The following LRP4 variants were observed in gnomAD, a reference collection of about 807,000 sequenced individuals.
LRP4 encodes the protein low-density lipoprotein receptor-related protein 4.
In LRP4, 95 loss-of-function variants were observed where a neutral mutation model predicts 220.3. That is an observed-to-expected ratio of 0.43 (90% CI 0.37 to 0.51). The LOEUF (loss-of-function observed/expected upper bound fraction) is 0.51, where lower values mean the gene tolerates loss of function less well. LRP4 is among the 20% of genes least tolerant of loss of function. LRP4 has a pLI of 0.00. For synonymous variants in LRP4, 903 were observed against 954.6 expected (o/e 0.95, Z 1.00); for missense variants, 1,925 against 2,567.0 (o/e 0.75, Z 5.40).
rs1941693630 is a variant in LRP4, at chr11:46,902,874, C to G, written c.108G>C (p.Val36=). The part of the protein sequence containing the change: ...ACGRSHFTCA[V]SALGECTCIP... ...TGCAGGTACACTCTCCAAGAGCACT[C>G]ACTGCACATGTGAAGTGGCTCCGAC... is the stretch of plus-strand genomic sequence containing the variant. Residue 36 remains valine, a synonymous_variant, in exon 2 of 38, where the codon GTG becomes GTC. Coordinates refer to ENST00000378623, the MANE Select transcript of LRP4 (RefSeq NM_002334.4). 1.2e-6 allele frequency: 2 copies of G among 1,614,162 alleles called. No homozygotes were observed. The highest frequency in any genetic ancestry group is 1.7e-6 in the Non-Finnish European group (2 of 1,180,044).
chr11:46,904,243 G>A (rs1036813748), intron 1 of LRP4, among the ~76,000 whole-genome samples: 9 of 152,110 alleles, frequency 5.9e-5, no homozygotes, highest in Admixed American at 5.9e-4. Flanking sequence ...GCTCGAAATT[G>A]TCACCCCTCT....
At chr11:46,883,439 C>T (rs1238786569) in intron 19 of LRP4, among the ~76,000 whole-genome samples, 3 of 152,246 alleles carry the variant, frequency 2.0e-5, no homozygotes, top group Non-Finnish European at 4.4e-5. Flanking sequence ...GCTATCTGTG[C>T]CTTAGGACAT....
intron 31 of LRP4, 46 bp downstream of exon 31, chr11:46,871,479 A>G: frequency 1.5e-6 from 2 of 1,314,648 alleles, no homozygotes; most frequent in South Asian, 2.5e-5. Context: ...CCCCAAAGAA[A>G]CATCCCAGTC....
rs1940918877 is a variant in LRP4 at position 46,873,305 on chromosome 11, G to T, written c.4448+70C>A. On this transcript the variant is annotated intron_variant, in intron 29 of 37. Transcript: ENST00000378623. The surrounding 1 kb of genome is among the most constrained non-coding windows in gnomAD (Gnocchi z 4.2). ...ACCCAGAGGTTGAGAGAACACAGAG[G>T]ACCCACTAACACCATCTTTCCACCC... 2 of 1,611,704 alleles carry T rather than the reference G, an allele frequency of 1.2e-6. No individual in the cohort carries two copies. Among genetic ancestry groups the T allele is most frequent in the Non-Finnish European group, 1.7e-6 (2 of 1,178,426 alleles).
chr11:46,872,234 C>G (rs563980243), intron 30 of LRP4, among the ~76,000 whole-genome samples: 50 of 152,292 alleles, frequency 3.3e-4, no homozygotes, highest in African/African-American at 1.2e-3. Context: ...CCAGCCTGGG[C>G]AAAAGAGTTA....
intron 22 of LRP4, among the ~76,000 whole-genome samples, 180 bp downstream of exon 22, chr11:46,878,727 C>T (rs1941077239): frequency 6.6e-6 from 1 of 152,164 alleles, no homozygotes; most frequent in Admixed American, 6.5e-5. Flanking sequence ...TACTTGCTCC[C>T]CAGGGCCTCT....
chr11:46,896,725 C>T, intron 8 of LRP4, 144 bp downstream of exon 8: 1 of 1,192,262 alleles, frequency 8.4e-7, no homozygotes, highest in Admixed American at 1.9e-5. Flanking sequence ...GTGCTCCAGG[C>T]CATAAGGCCG....
chr11:46,917,672 C>T (rs1386535138), intron 1 of LRP4, among the ~76,000 whole-genome samples: 1 of 152,168 alleles, frequency 6.6e-6, no homozygotes, highest in Non-Finnish European at 1.5e-5. Flanking sequence ...CCTTTCCAAC[C>T]ACCTCCCTTT....
At position 46,898,872 on chromosome 11, in the gene LRP4, C is replaced by G. The variant is rs747019116; in HGVS notation, c.676+32G>C. On this transcript the variant is annotated intron_variant, in intron 6 of 37. Coordinates refer to ENST00000378623, the MANE Select transcript of LRP4 (RefSeq NM_002334.4). ...CCCAAGCAGTTCTTCCCAGCCTGGC[C>G]TCCCCACCTCCCAGCTGGCCAGAGT... 5 of 1,613,628 alleles carry G rather than the reference C, an allele frequency of 3.1e-6. No individual in the cohort carries two copies. The East Asian group carries it at 8.9e-5, about 29-fold the overall frequency.
rs1019823182 is a variant in LRP4, at chr11:46,918,280, T to G, written c.52+48A>C. On this transcript the variant is annotated intron_variant, in intron 1 of 37. Transcript: ENST00000378623. This position sits in a 1 kb window ranked among gnomAD's most constrained non-coding sequence, Gnocchi z 6.0. ...CGTCCAGGTCCCGGGAGGCGAGTCC[T>G]GCAGCGGCCGGACCCAGGGACAAAC... 3.4e-5 allele frequency: 51 copies of G among 1,501,308 alleles called. No individual in the cohort carries two copies. Among genetic ancestry groups the G allele is most frequent in the Non-Finnish European group, 3.9e-5 (44 of 1,128,308 alleles). 93.0% of individuals were successfully genotyped at this position (1,501,308 alleles called of 1,614,324 possible). A position where few individuals can be genotyped will look rare whatever the true frequency, so the allele number is the denominator to read the frequency against.
chr11:46,880,791 T>C (rs971581904), intron 20 of LRP4, among the ~76,000 whole-genome samples: 1 of 151,140 alleles, frequency 6.6e-6, no homozygotes, highest in African/African-American at 2.4e-5. Context: ...GACAGTAATA[T>C]TGGGCCGGGC....
At chr11:46,900,809 C>T (rs1249346280) in intron 2 of LRP4, among the ~76,000 whole-genome samples, 3 of 143,890 alleles carry the variant, frequency 2.1e-5, no homozygotes, top group East Asian at 4.1e-4. Flanking sequence ...TTTTTTGAAA[C>T]AGAGTCTGAC....
intron 22 of LRP4, among the ~76,000 whole-genome samples, chr11:46,877,909 T>C (rs1382132656): frequency 6.6e-6 from 1 of 152,146 alleles, no homozygotes; most frequent in African/African-American, 2.4e-5. Context: ...ATTAATATTA[T>C]GAAAGTGGCT....
intron 12 of LRP4, 62 bp from the exon 13 acceptor site, chr11:46,893,191 A>C: frequency 6.3e-7 from 1 of 1,597,770 alleles, no homozygotes; most frequent in Non-Finnish European, 8.6e-7. Context: ...GTCCCATAGT[A>C]ATAGGAGCAA....
intron 11 of LRP4, 48 bp from the exon 12 acceptor site, chr11:46,894,867 C>G (rs770297716): frequency 6.6e-7 from 1 of 1,506,750 alleles, no homozygotes; most frequent in Non-Finnish European, 9.2e-7. Flanking sequence ...TCAGAGCCGC[C>G]CCTGGTACCC....
intron 25 of LRP4, 34 bp downstream of exon 25, chr11:46,876,432 C>G: frequency 6.2e-7 from 1 of 1,613,226 alleles, no homozygotes. Flanking sequence ...AGCTGGCCCC[C>G]CACACTACCC....
rs1025345677 is a variant in LRP4 at position 46,888,436 on chromosome 11, C to T, written c.2215+975G>A. 4.0e-5 allele frequency among the ~76,000 whole-genome samples: 6 copies of T among 149,234 alleles called. No individual in the cohort carries two copies. The Admixed American group carries it at 4.1e-4, about 10-fold the overall frequency. On this transcript the variant is annotated intron_variant, in intron 16 of 37. Coordinates refer to ENST00000378623, the MANE Select transcript of LRP4 (RefSeq NM_002334.4). Reference sequence around the variant, plus strand: ...GGTGTGGTGGCGCATGCTTGTAATCCCAGCTATTCAGGAAGCTAAGGCAGG... The same window carrying T: ...GGTGTGGTGGCGCATGCTTGTAATCTCAGCTATTCAGGAAGCTAAGGCAGG...
chr11:46,913,751 T>C (rs1183069894), intron 1 of LRP4, among the ~76,000 whole-genome samples: 4 of 152,090 alleles, frequency 2.6e-5, no homozygotes, highest in African/African-American at 7.2e-5. Flanking sequence ...GAAGGGAAAC[T>C]CTCAGAGGAA....
intron 11 of LRP4, 54 bp from the exon 12 acceptor site, chr11:46,894,873 T>C: frequency 6.8e-7 from 1 of 1,474,428 alleles, no homozygotes; most frequent in Non-Finnish European, 9.5e-7. Context: ...CCGCCCCTGG[T>C]ACCCATCAGC....
Sources: gnomAD v4.1 joint callset for allele counts (sites outside exome capture counted in the v4.1 genomes callset) on GRCh38, gnomAD v4.1.1 for gene constraint, Gnocchi (gnomAD v3.1) non-coding constraint, MANE v1.5 for transcripts, NCBI Gene and HGNC (gene_info 2026-07-23, HGNC 2026-07-21) for gene names.